The following LMBR1 variants were observed in gnomAD, a reference collection of about 807,000 sequenced individuals.
LMBR1 encodes the protein limb development membrane protein 1, also known as limb region 1 protein homolog.
LMBR1 carries 52 observed loss-of-function variants against 73.9 expected under a neutral mutation model. The observed-to-expected ratio is 0.70, with a 90% CI of 0.56 to 0.89. LMBR1 has a LOEUF of 0.89. Ranked by LOEUF, LMBR1 falls within the 40% of genes least tolerant of loss-of-function variation. The probability of loss-of-function intolerance (pLI) is 0.00; values close to 1 mark genes in which losing one functional copy is unlikely to be tolerated. For synonymous variants in LMBR1, 215 were observed against 209.4 expected, an observed-to-expected ratio of 1.03 and a Z score of -0.23; for missense variants, 539 against 579.8, an observed-to-expected ratio of 0.93 and a Z score of 0.72.
intron 1 of LMBR1, among the ~76,000 whole-genome samples, chr7:156,867,211 A>G (rs1798592867): frequency 6.6e-6 from 1 of 152,236 alleles, no homozygotes; most frequent in Admixed American, 6.5e-5. Context: ...CAAAATGACA[A>G]TGAAATACCA....
chr7:156,887,395 G>A lies in LMBR1; in HGVS notation c.66+5533C>T, dbSNP rs192864985. On this transcript the variant is annotated intron_variant, in intron 1 of 16. Transcript: ENST00000353442. Reference sequence around the variant, plus strand: ...GGAGAATTGCCTGAACCCGGGAGGCGGAGGTTGCAGTGAGCCTTGAGATTG... The same window carrying A: ...GGAGAATTGCCTGAACCCGGGAGGCAGAGGTTGCAGTGAGCCTTGAGATTG... Among the ~76,000 whole-genome samples the A allele has an allele frequency of 1.2e-3, 174 of 150,766 alleles. 1 individual carries two copies. The highest frequency in any genetic ancestry group is 3.7e-3 in the African/African-American group (151 of 40,956).
chr7:156,749,951 A>T (rs1820534283), intron 9 of LMBR1, among the ~76,000 whole-genome samples: 1 of 152,124 alleles, frequency 6.6e-6, no homozygotes. Context: ...GGCCTCCCAA[A>T]GTGCTGGGAT....
At chr7:156,824,093 AAACAACAAC>A (rs71522057) in intron 4 of LMBR1, among the ~76,000 whole-genome samples, 4,834 of 150,184 alleles carry the variant, frequency 0.032, 120 homozygotes, top group South Asian at 0.086. Context: ...CCATCTCAAA[AAACAACAAC>A]AACAACAACA....
At chr7:156,710,712 G>A (rs1056377030) in intron 15 of LMBR1, among the ~76,000 whole-genome samples, 3 of 152,130 alleles carry the variant, frequency 2.0e-5, no homozygotes, top group Non-Finnish European at 4.4e-5. Flanking sequence ...ACACAAACAC[G>A]TAGTCATCAG....
intron 3 of LMBR1, among the ~76,000 whole-genome samples, chr7:156,828,030 G>GC (rs1286422499): frequency 6.6e-6 from 1 of 152,180 alleles, no homozygotes; most frequent in Non-Finnish European, 1.5e-5. Context: ...CGACCAGCCA[G>GC]CAAGCGGTCT....
intron 5 of LMBR1, among the ~76,000 whole-genome samples, chr7:156,768,391 C>T (rs1442687294): frequency 6.6e-6 from 1 of 151,872 alleles, no homozygotes; most frequent in Non-Finnish European, 1.5e-5. Flanking sequence ...TAAATAAATA[C>T]AACAGAAAAC....
intron 5 of LMBR1, among the ~76,000 whole-genome samples, chr7:156,767,794 T>C (rs1824386340): frequency 6.6e-6 from 1 of 152,022 alleles, no homozygotes; most frequent in Non-Finnish European, 1.5e-5. Flanking sequence ...ATATCTACTA[T>C]AACTATATAT....
intron 15 of LMBR1, among the ~76,000 whole-genome samples, chr7:156,700,654 T>C (rs1054455122): frequency 1.3e-5 from 2 of 152,222 alleles, no homozygotes; most frequent in African/African-American, 4.8e-5. Context: ...CCATCAGCAT[T>C]TTGGGCAAAG....
In LMBR1 at chr7:156,695,461, G is replaced by T. The variant is rs572646450; in HGVS notation, c.1226-7270C>A. ...TGGCATCTGCTCAGTTTCTGGGGAG[G>T]TCTAAGGAAACTTTCAATCATGGGG... On this transcript the variant is annotated intron_variant, in intron 15 of 16. Coordinates refer to ENST00000353442, the MANE Select transcript of LMBR1 (RefSeq NM_022458.4). Among the ~76,000 whole-genome samples, 9 of 152,284 alleles carry T rather than the reference G, an allele frequency of 5.9e-5. No homozygotes were observed. The East Asian group carries it at 1.5e-3, about 26-fold the overall frequency.
At chr7:156,736,993 C>A (rs963503549) in intron 9 of LMBR1, among the ~76,000 whole-genome samples, 1 of 152,136 alleles carries the variant, frequency 6.6e-6, no homozygotes, top group Non-Finnish European at 1.5e-5. Context: ...GATGGACTGC[C>A]CTCTGTGCCT....
At chr7:156,808,346 T>C (rs1287049265) in intron 4 of LMBR1, among the ~76,000 whole-genome samples, 2 of 152,286 alleles carry the variant, frequency 1.3e-5, no homozygotes, top group South Asian at 4.1e-4. Flanking sequence ...GATGAAATGA[T>C]CTTCTTTATG....
chr7:156,756,541 G>A, intron 8 of LMBR1, 76 bp from the exon 9 acceptor site: 1 of 740,616 alleles, frequency 1.4e-6, no homozygotes, highest in Non-Finnish European at 2.3e-6. Context: ...AGGCTATTTG[G>A]TCAATTTATT....
chr7:156,761,992 A>AAAAAAAAAAAAAAAAT (rs1823132334), intron 8 of LMBR1, 142 bp downstream of exon 8: 1 of 576,636 alleles, frequency 1.7e-6, no homozygotes, highest in Non-Finnish European at 3.1e-6. Context: ...AAAAAAAAAA[A>AAAAAAAAAAAAAAAAT]CTTAATAAAA....
At chr7:156,749,270 C>G (rs1241221493) in intron 9 of LMBR1, among the ~76,000 whole-genome samples, 1 of 142,340 alleles carries the variant, frequency 7.0e-6, no homozygotes, top group Non-Finnish European at 1.5e-5. Flanking sequence ...CTGGCATGAG[C>G]TTCCATATAT....
chr7:156,740,311 AAGAG>A (rs1284556316), intron 9 of LMBR1, among the ~76,000 whole-genome samples: 3 of 152,184 alleles, frequency 2.0e-5, no homozygotes, highest in Non-Finnish European at 4.4e-5. Context: ...GAGGCAGAGA[AAGAG>A]AGAGAGGTAG....
chr7:156,688,145 C>G lies in LMBR1; in HGVS notation c.1272G>C (p.Trp424Cys). The G allele has an allele frequency of 6.2e-7, 1 of 1,608,878 alleles. No individual in the cohort carries two copies. The highest frequency in any genetic ancestry group is 8.5e-7 in the Non-Finnish European group (1 of 1,178,240). Reference protein sequence around the residue: ...DLLGDFGRFNWLGNFYIVLSY... With the variant: ...DLLGDFGRFNCLGNFYIVLSY... ...ATAATACAATATAGAAATTTCCCAG[C>G]CAATTAAACCTTCCAAAGTCGCCAA... The change falls in exon 16 of 17, where the codon TGG (tryptophan) becomes TGC (cysteine). Residue 424 changes from tryptophan to cysteine, a missense_variant. Around this residue, in one of 3 missense-constraint regions of LMBR1, gnomAD observed 16 missense variants for 37.9 expected, o/e 0.42. Coordinates refer to ENST00000353442, the MANE Select transcript of LMBR1 (RefSeq NM_022458.4).
rs374019568 is a variant in LMBR1 at position 156,734,244 on chromosome 7, C to T, written c.771G>A (p.Ser257=). The change falls in exon 10 of 17, where the codon TCG becomes TCA. Residue 257 remains serine, a synonymous_variant. Coordinates refer to ENST00000353442, the MANE Select transcript of LMBR1 (RefSeq NM_022458.4). ...CCAACTCCATTATGTTGTATTCCAC[C>T]GATGAAGACAGCCCTGTTCAAAGCA... ...LQRRLNGLSS[S]VEYNIMELEQ... is the part of the protein sequence containing the mutation. The T allele has an allele frequency of 4.0e-5, 64 of 1,609,112 alleles. No homozygotes were observed. The highest frequency in any genetic ancestry group is 2.0e-4 in the South Asian group (18 of 89,918).
At chr7:156,753,274 A>C (rs1367382121) in intron 9 of LMBR1, among the ~76,000 whole-genome samples, 2 of 152,202 alleles carry the variant, frequency 1.3e-5, no homozygotes, top group East Asian at 3.9e-4. Context: ...AACGAGGAGC[A>C]AAAATCCTCC....
rs185241150 is a variant in LMBR1, at chr7:156,847,713, C to G, written c.67-10828G>C. On this transcript the variant is annotated intron_variant, in intron 1 of 16. Coordinates refer to ENST00000353442, the MANE Select transcript of LMBR1 (RefSeq NM_022458.4). Reference sequence around the variant, plus strand: ...AACACAAAGTAAAACAACAAGATACCTGTGATGACACACCTATTAGAATGA... The same window carrying G: ...AACACAAAGTAAAACAACAAGATACGTGTGATGACACACCTATTAGAATGA... Among the ~76,000 whole-genome samples the G allele has an allele frequency of 3.3e-4, 51 of 152,272 alleles. 1 individual carries two copies. The highest frequency in any genetic ancestry group is 1.1e-3 in the African/African-American group (47 of 41,550).
Sources: gnomAD v4.1 joint callset for allele counts (sites outside exome capture counted in the v4.1 genomes callset) on GRCh38, gnomAD v4.1.1 for gene constraint, gnomAD v4.1.1 regional missense constraint, MANE v1.5 for transcripts, NCBI Gene and HGNC (gene_info 2026-07-23, HGNC 2026-07-21) for gene names.